Variants in SHC4 observed in about 807,000 individuals in gnomAD.
SHC4 encodes SHC-transforming protein 4.
SHC4 carries 41 observed loss-of-function variants against 69.4 expected under a neutral mutation model. The observed-to-expected ratio is 0.59, with a 90% CI of 0.46 to 0.77. The LOEUF is 0.77. SHC4 is among the 30% of genes least tolerant of loss of function. The pLI is 0.00. For missense variants in SHC4, 777 were observed against 783.8 expected, an observed-to-expected ratio of 0.99 and a Z score of 0.10; for synonymous variants, 318 against 299.3, an observed-to-expected ratio of 1.06 and a Z score of -0.64.
Position 48,896,001 on chromosome 15 carries a change from T to C in SHC4, c.657-5190A>G, listed in dbSNP as rs1204786985. Among the ~76,000 whole-genome samples the C allele has an allele frequency of 3.3e-5, 5 of 152,060 alleles. No individual in the cohort carries two copies. The East Asian group carries it at 7.7e-4, about 24-fold the overall frequency. The stretch of plus-strand genomic sequence containing the variant: ...TACCCAGGAGCCCGATGCAGGAGGA[T>C]TGCTTGAGCCTAGGAGTTCAAGGCT... On this transcript the variant is annotated intron_variant, in intron 2 of 11. Coordinates refer to ENST00000332408, the MANE Select transcript of SHC4 (RefSeq NM_203349.4).
chr15:48,876,776 A>C, intron 4 of SHC4: 1 of 433,486 alleles, frequency 2.3e-6, no homozygotes. Flanking sequence ...AACCAGATTA[A>C]GGGTGGGTCT....
intron 1 of SHC4, among the ~76,000 whole-genome samples, chr15:48,939,040 T>C (rs567569847): frequency 2.6e-5 from 4 of 152,338 alleles, no homozygotes; most frequent in South Asian, 4.1e-4. Context: ...AGGTAATGCA[T>C]GTGTGGTGCT....
intron 9 of SHC4, among the ~76,000 whole-genome samples, chr15:48,848,052 T>C (rs1283559682): frequency 6.8e-6 from 1 of 147,438 alleles, no homozygotes; most frequent in Non-Finnish European, 1.5e-5. Flanking sequence ...TAAAAACATA[T>C]GCCCAAGTAA....
At chr15:48,905,956 T>C (rs1197377482) in intron 2 of SHC4, among the ~76,000 whole-genome samples, 1 of 152,220 alleles carries the variant, frequency 6.6e-6, no homozygotes, top group Non-Finnish European at 1.5e-5. Flanking sequence ...CACTTCATAA[T>C]GTAGATCATA....
chr15:48,891,129 G>T (rs1010630325), intron 2 of SHC4, among the ~76,000 whole-genome samples: 2 of 152,118 alleles, frequency 1.3e-5, no homozygotes, highest in African/African-American at 4.8e-5. Flanking sequence ...GGAGGGGCAG[G>T]GCATTGTCAT....
intron 3 of SHC4, among the ~76,000 whole-genome samples, chr15:48,886,458 C>T (rs780729037): frequency 2.0e-5 from 3 of 151,988 alleles, no homozygotes; most frequent in Non-Finnish European, 4.4e-5. Flanking sequence ...TTAGAAATGT[C>T]CTAACAGTTA....
chr15:48,910,305 A>G (rs1900485064), intron 2 of SHC4, among the ~76,000 whole-genome samples: 1 of 152,004 alleles, frequency 6.6e-6, no homozygotes, highest in South Asian at 2.1e-4. Flanking sequence ...GTATTTTTCC[A>G]GGAATGTATC....
intron 4 of SHC4, among the ~76,000 whole-genome samples, chr15:48,875,199 A>G (rs1475881776): frequency 6.6e-6 from 1 of 152,206 alleles, no homozygotes; most frequent in African/African-American, 2.4e-5. Context: ...GTGGCTATCT[A>G]ACAAAGCCAT....
chr15:48,951,339 C>T (rs1567077793), intron 1 of SHC4, among the ~76,000 whole-genome samples: 1 of 152,040 alleles, frequency 6.6e-6, no homozygotes, highest in Non-Finnish European at 1.5e-5. Context: ...TCTTTCCCCT[C>T]TCTTCCCAGT....
At chr15:48,907,375 A>G (rs1900423336) in intron 2 of SHC4, among the ~76,000 whole-genome samples, 1 of 151,936 alleles carries the variant, frequency 6.6e-6, no homozygotes, top group Admixed American at 6.6e-5. Flanking sequence ...GGCATGCACC[A>G]TCATGCCCAG....
chr15:48,845,945 C>T, intron 9 of SHC4, among the ~76,000 whole-genome samples: 1 of 151,540 alleles, frequency 6.6e-6, no homozygotes, highest in Non-Finnish European at 1.5e-5. Context: ...AGTGCCTGCT[C>T]ATAAAAATTT....
chr15:48,858,900 G>C (rs1899383092), intron 6 of SHC4, among the ~76,000 whole-genome samples: 1 of 152,206 alleles, frequency 6.6e-6, no homozygotes. Context: ...AAGGAAAGCA[G>C]GGGAGAGGCA....
At position 48,824,272 on chromosome 15, in the gene SHC4, C is replaced by T. The variant is rs2140959329; in HGVS notation, c.*1699G>A. The T allele has an allele frequency of 6.6e-6, 1 of 152,092 alleles. No homozygotes were observed. Among genetic ancestry groups the T allele is most frequent in the Non-Finnish European group, 1.5e-5 (1 of 67,980 alleles). 9.4% of individuals were successfully genotyped at this position (152,092 alleles called of 1,614,324 possible). ...GCCTTTACAGTAAAATATTAGAGTGCAGTATGCTTGGTTTCTAATGATTTC... is the reference window on the plus strand; with the variant it reads ...GCCTTTACAGTAAAATATTAGAGTGTAGTATGCTTGGTTTCTAATGATTTC... On this transcript the variant is annotated 3_prime_UTR_variant, in exon 12 of 12. Coordinates refer to ENST00000332408, the MANE Select transcript of SHC4 (RefSeq NM_203349.4).
At chr15:48,883,370 C>T (rs570481313) in intron 4 of SHC4, among the ~76,000 whole-genome samples, 1 of 152,248 alleles carries the variant, frequency 6.6e-6, no homozygotes, top group African/African-American at 2.4e-5. Flanking sequence ...GAGTCATTTG[C>T]TAGTAAGTGG....
At chr15:48,828,838 C>T (rs1422515911) in intron 11 of SHC4, among the ~76,000 whole-genome samples, 2 of 152,130 alleles carry the variant, frequency 1.3e-5, no homozygotes, top group Non-Finnish European at 2.9e-5. Context: ...CATTCAAGTC[C>T]TTTGCCTATG....
chr15:48,860,563 T>C (rs747159420), intron 6 of SHC4, among the ~76,000 whole-genome samples: 7 of 152,022 alleles, frequency 4.6e-5, no homozygotes, highest in Non-Finnish European at 8.8e-5. Context: ...TAGAAAGTCA[T>C]ATCAAAATGG....
At chr15:48,857,621 C>G in intron 7 of SHC4, 71 bp downstream of exon 7, 1 of 1,315,754 alleles carries the variant, frequency 7.6e-7, no homozygotes, top group Non-Finnish European at 1.0e-6. Context: ...TATACACACA[C>G]AAATAAATAC....
At chr15:48,898,502 C>G (rs1278662122) in intron 2 of SHC4, among the ~76,000 whole-genome samples, 1 of 152,258 alleles carries the variant, frequency 6.6e-6, no homozygotes, top group Admixed American at 6.5e-5. Context: ...GTGTCCCACT[C>G]TGTTCACCTG....
intron 1 of SHC4, among the ~76,000 whole-genome samples, chr15:48,954,196 C>A (rs1404684502): frequency 6.6e-6 from 1 of 152,184 alleles, no homozygotes; most frequent in African/African-American, 2.4e-5. Context: ...TGCCCTCCAA[C>A]CACTAAAGGC....
Sources: gnomAD v4.1 joint callset for allele counts (sites outside exome capture counted in the v4.1 genomes callset) on GRCh38, gnomAD v4.1.1 for gene constraint, MANE v1.5 for transcripts, NCBI Gene and HGNC (gene_info 2026-07-23, HGNC 2026-07-21) for gene names.